The following PEAK1 variants were observed in gnomAD, a reference collection of about 807,000 sequenced individuals.
The protein encoded by PEAK1 is pseudopodium enriched atypical kinase 1, also known as inactive tyrosine-protein kinase PEAK1.
Under a neutral mutation model 124.7 loss-of-function variants are expected in PEAK1, and 54 were observed. The observed-to-expected ratio is 0.43, with a 90% CI of 0.35 to 0.54. The LOEUF is 0.54. PEAK1 is among the 20% of genes least tolerant of loss of function. The pLI is 0.01. For synonymous variants in PEAK1, 719 were observed against 760.0 expected (o/e 0.95, Z 0.89); for missense variants, 2,046 against 2,134.5 (o/e 0.96, Z 0.82).
intron 2 of PEAK1, among the ~76,000 whole-genome samples, chr15:77,288,990 G>C (rs1017533905): frequency 1.7e-4 from 25 of 151,166 alleles, no homozygotes; most frequent in African/African-American, 5.8e-4. Flanking sequence ...ACATTCATAG[G>C]AGGCTAAGAA....
chr15:77,150,852 T>C (rs1457168807), intron 8 of PEAK1, among the ~76,000 whole-genome samples: 3 of 152,222 alleles, frequency 2.0e-5, no homozygotes, highest in Non-Finnish European at 2.9e-5. Flanking sequence ...TCATCATTTT[T>C]TATGGCTGCA....
chr15:77,283,997 A>C lies in PEAK1; in HGVS notation c.-389T>G. On this transcript the variant is annotated 5_prime_UTR_variant, in exon 5 of 10. The change creates a new upstream start codon in the 5' untranslated region. Coordinates refer to ENST00000682557, the MANE Select transcript of PEAK1 (RefSeq NM_001385026.1). ...TCATTGAATTCTCACTTTCTCACAA[A>C]ATGGTACTTCATTGAAGGATGTAAT... 11 of 984,908 alleles carry C rather than the reference A, an allele frequency of 1.1e-5. No homozygotes were observed. Among genetic ancestry groups the C allele is most frequent in the Non-Finnish European group, 1.3e-5 (11 of 829,490 alleles). The allele number at this position is 984,908 out of a possible 1,614,324, so 61.0% of individuals were successfully genotyped here.
At chr15:77,344,536 G>T (rs149836638) in intron 2 of PEAK1, among the ~76,000 whole-genome samples, 10 of 151,788 alleles carry the variant, frequency 6.6e-5, no homozygotes, top group African/African-American at 2.4e-4. Context: ...AGATTGTTTT[G>T]GCTATTTGCA....
intron 6 of PEAK1, among the ~76,000 whole-genome samples, chr15:77,232,502 C>T (rs1368676877): frequency 6.6e-6 from 1 of 152,150 alleles, no homozygotes; most frequent in Non-Finnish European, 1.5e-5. Context: ...AACATCCCTT[C>T]CCCAGGTCAC....
chr15:77,119,083 T>C (rs772120640), intron 9 of PEAK1, among the ~76,000 whole-genome samples: 3 of 81,470 alleles, frequency 3.7e-5, no homozygotes, highest in East Asian at 2.5e-4. Flanking sequence ...AAATACACCA[T>C]AGGGCCTCTT....
intron 2 of PEAK1, among the ~76,000 whole-genome samples, chr15:77,301,860 T>C (rs2063805220): frequency 6.6e-6 from 1 of 152,206 alleles, no homozygotes; most frequent in Non-Finnish European, 1.5e-5. Flanking sequence ...GATTTATCTA[T>C]TCCCTCCCAA....
chr15:77,125,922 G>GCAA (rs57140328), intron 9 of PEAK1, among the ~76,000 whole-genome samples: 6 of 152,186 alleles, frequency 3.9e-5, no homozygotes, highest in South Asian at 2.1e-4. Flanking sequence ...GAGAAGAGCA[G>GCAA]TCCAGAGAGA....
chr15:77,116,903 A>C (rs1403373806), intron 9 of PEAK1, among the ~76,000 whole-genome samples: 1 of 152,156 alleles, frequency 6.6e-6, no homozygotes, highest in Non-Finnish European at 1.5e-5. Flanking sequence ...TTCAGAAAAT[A>C]TTATCTCTGG....
At chr15:77,174,435 T>C (rs943494331) in intron 7 of PEAK1, among the ~76,000 whole-genome samples, 3 of 152,192 alleles carry the variant, frequency 2.0e-5, no homozygotes, top group African/African-American at 7.2e-5. Flanking sequence ...AACACAAATG[T>C]TGACATTTGA....
chr15:77,198,343 C>T (rs1326869573), intron 6 of PEAK1, among the ~76,000 whole-genome samples: 1 of 152,156 alleles, frequency 6.6e-6, no homozygotes, highest in Non-Finnish European at 1.5e-5. Context: ...TAGTGCAATG[C>T]TGTAAACCTT....
rs188701707 is a variant in PEAK1, at chr15:77,118,723, T to C, written c.4078-3404A>G. On this transcript the variant is annotated intron_variant, in intron 9 of 9. Coordinates refer to ENST00000682557, the MANE Select transcript of PEAK1 (RefSeq NM_001385026.1). Reference sequence around the variant, plus strand: ...TTCATGCCAGCTACTCTTTAATCTATAAATGATTACTTCAGGACTCCTCCT... The same window carrying C: ...TTCATGCCAGCTACTCTTTAATCTACAAATGATTACTTCAGGACTCCTCCT... Among the ~76,000 whole-genome samples, 218 of 152,314 alleles carry C rather than the reference T, an allele frequency of 1.4e-3. 1 individual carries two copies. Among genetic ancestry groups the C allele is most frequent in the African/African-American group, 5.1e-3 (214 of 41,574 alleles).
intron 2 of PEAK1, among the ~76,000 whole-genome samples, chr15:77,292,327 T>C (rs577635540): frequency 6.6e-6 from 1 of 152,308 alleles, no homozygotes; most frequent in Non-Finnish European, 1.5e-5. Flanking sequence ...TATTTACTCA[T>C]TAACACTGAA....
intron 1 of PEAK1, among the ~76,000 whole-genome samples, chr15:77,382,294 C>T (rs2069546804): frequency 1.3e-5 from 2 of 152,326 alleles, no homozygotes; most frequent in South Asian, 4.1e-4. Flanking sequence ...ACAGTCCTTT[C>T]CAATCTCATC....
rs2051132489 is a variant in PEAK1 at position 77,113,973 on chromosome 15, A to C, written c.*183T>G. 1.6e-6 allele frequency: 1 copy of C among 637,676 alleles called. No individual in the cohort carries two copies. The highest frequency in any genetic ancestry group is 2.7e-6 in the Non-Finnish European group (1 of 375,096). The allele number at this position is 637,676 out of a possible 1,614,324, so 39.5% of individuals were successfully genotyped here. On this transcript the variant is annotated 3_prime_UTR_variant, in exon 10 of 10. Transcript: ENST00000682557. ...CTGAATTTCTGTAAAGTTAAGACAG[A>C]CTCAGCTTCTCATTCAATCTGGGGC...
intron 6 of PEAK1, among the ~76,000 whole-genome samples, chr15:77,207,881 T>A (rs1381345892): frequency 6.6e-6 from 1 of 152,216 alleles, no homozygotes; most frequent in African/African-American, 2.4e-5. Flanking sequence ...ATGTTTTACA[T>A]TTCCAGTTAG....
chr15:77,154,707 C>T (rs1319008425), intron 8 of PEAK1, among the ~76,000 whole-genome samples: 1 of 151,978 alleles, frequency 6.6e-6, no homozygotes, highest in Non-Finnish European at 1.5e-5. Flanking sequence ...TCAGCATTTG[C>T]TTGTCTGTAA....
chr15:77,153,646 A>G (rs2054859197), intron 8 of PEAK1, among the ~76,000 whole-genome samples: 1 of 152,008 alleles, frequency 6.6e-6, no homozygotes, highest in Non-Finnish European at 1.5e-5. Context: ...CCCTCTATGC[A>G]CTGCTTTGAA....
intron 2 of PEAK1, chr15:77,347,899 A>C: frequency 3.0e-6 from 3 of 984,412 alleles, no homozygotes; most frequent in Non-Finnish European, 3.6e-6. Flanking sequence ...CTAAAAAAAA[A>C]GTAGCTCACC....
chr15:77,191,235 C>CTT (rs1259940075), intron 6 of PEAK1, among the ~76,000 whole-genome samples: 1 of 152,120 alleles, frequency 6.6e-6, no homozygotes, highest in Non-Finnish European at 1.5e-5. Flanking sequence ...TACCGTCAAA[C>CTT]AAAGCTCTTA....
Sources: gnomAD v4.1 joint callset for allele counts (sites outside exome capture counted in the v4.1 genomes callset) on GRCh38, gnomAD v4.1.1 for gene constraint, MANE v1.5 for transcripts, NCBI Gene and HGNC (gene_info 2026-07-23, HGNC 2026-07-21) for gene names.